Variants in BTD observed in about 807,000 individuals in gnomAD.
BTD encodes biocytinase.
BTD carries 13 observed loss-of-function variants against 17.7 expected under a neutral mutation model. The observed-to-expected ratio is 0.74, with a 90% confidence interval of 0.48 to 1.17. The LOEUF is 1.17. Ranked by LOEUF, BTD falls within the 50% of genes most tolerant of loss-of-function variation. The pLI, the probability that BTD is intolerant of heterozygous loss-of-function variation, is 0.00. For missense variants in BTD, 674 were observed against 650.4 expected, an observed-to-expected ratio of 1.04 and a Z score of -0.39; for synonymous variants, 240 against 245.2, an observed-to-expected ratio of 0.98 and a Z score of 0.20.
downstream of BTD, among the ~76,000 whole-genome samples, chr3:15,716,155 G>GT (rs1459060160): frequency 6.6e-6 from 1 of 151,070 alleles, no homozygotes; most frequent in African/African-American, 2.4e-5. Flanking sequence ...GCTAATTTTT[G>GT]TATTTTAGTA....
At chr3:15,620,818 A>G (rs1023141117) in intron 1 of BTD, among the ~76,000 whole-genome samples, 2 of 152,240 alleles carry the variant, frequency 1.3e-5, no homozygotes, top group Non-Finnish European at 2.9e-5. Flanking sequence ...GACAGTGCCA[A>G]TGGGATATAT....
chr3:15,691,657 G>A (rs1416201952), intron 3 of BTD, among the ~76,000 whole-genome samples: 1 of 152,194 alleles, frequency 6.6e-6, no homozygotes, highest in African/African-American at 2.4e-5. Flanking sequence ...ATGAATCTGT[G>A]TAGAAACTTG....
intron 1 of BTD, among the ~76,000 whole-genome samples, chr3:15,623,350 G>A (rs949411882): frequency 2.0e-5 from 3 of 152,146 alleles, no homozygotes; most frequent in Admixed American, 6.5e-5. Flanking sequence ...TTTATCTACT[G>A]TAATGATCTC....
At chr3:15,713,270 C>T (rs1314310323), downstream of BTD, among the ~76,000 whole-genome samples, 1 of 152,122 alleles carries the variant, frequency 6.6e-6, no homozygotes, top group African/African-American at 2.4e-5. Flanking sequence ...CAAAAATTAA[C>T]AGCTCTGATC....
rs2125507050 is a variant in BTD, at chr3:15,645,429, A to G, written c.1513A>G (p.Arg505Gly). 6.2e-7 allele frequency: 1 copy of G among 1,613,882 alleles called. No individual in the cohort carries two copies. The highest frequency in any genetic ancestry group is 8.5e-7 in the Non-Finnish European group (1 of 1,180,030). ...TGACCACTATTTCCTGAGGAAAAGT[A>G]GGCTGTCCTCTGGGCTGGTGACGGC... ...ENDHYFLRKS[R>G]LSSGLVTAAL... Residue 505 changes from arginine to glycine, a missense_variant, in exon 4 of 4, where the codon AGG becomes GGG. By Grantham distance (125) the Arg-to-Gly change is moderately radical. Transcript: ENST00000643237.
chr3:15,714,532 GAAAAA>G (rs5846873), downstream of BTD: 30 of 1,085,190 alleles, frequency 2.8e-5, no homozygotes, highest in African/African-American at 5.8e-4. Flanking sequence ...CTACATTTAA[GAAAAA>G]AAAAAAAAAA....
downstream of BTD, among the ~76,000 whole-genome samples, chr3:15,657,687 C>G (rs1254398181): frequency 6.6e-6 from 1 of 152,140 alleles, no homozygotes; most frequent in East Asian, 1.9e-4. Context: ...ATGGTCCCAG[C>G]TGCTTTTTTG....
chr3:15,661,265 C>CAAAAAAAAAAAAAAAAAAA (rs56165902), intron 3 of BTD, among the ~76,000 whole-genome samples: 1 of 93,780 alleles, frequency 1.1e-5, no homozygotes, highest in Non-Finnish European at 2.0e-5. Context: ...GACTCTGTCT[C>CAAAAAAAAAAAAAAAAAAA]AAAAAAAAAA....
Position 15,644,844 on chromosome 3 carries a change from A to C in BTD, c.928A>C (p.Ser310Arg), listed in dbSNP as rs768876766. 3 of 1,614,126 alleles carry C rather than the reference A, an allele frequency of 1.9e-6. No individual in the cohort carries two copies. The highest frequency in any genetic ancestry group is 1.3e-5 in the African/African-American group (1 of 74,932). The change falls in exon 4 of 4, where the codon AGT (serine) becomes CGT (arginine). Residue 310 changes from serine (S) to arginine (R), a missense_variant. Physicochemically the swap from Ser to Arg is moderately radical, Grantham distance 110. Coordinates refer to ENST00000643237, the MANE Select transcript of BTD (RefSeq NM_001370658.1). ...GTACCATGACATGGAAAATCCCAAAAGTCACCTTATAATTGCCCAGGTGGC... is the reference window on the plus strand; with the variant it reads ...GTACCATGACATGGAAAATCCCAAACGTCACCTTATAATTGCCCAGGTGGC... ...FWYHDMENPK[S>R]HLIIAQVAKN...
At chr3:15,603,615 C>T (rs559376145) in intron 1 of BTD, among the ~76,000 whole-genome samples, 94 of 152,144 alleles carry the variant, frequency 6.2e-4, no homozygotes, top group Middle Eastern at 3.4e-3. Context: ...TGAGATTGGG[C>T]CACTGCACTC....
intron 3 of BTD, among the ~76,000 whole-genome samples, chr3:15,691,665 T>C (rs971180904): frequency 4.6e-5 from 7 of 152,184 alleles, no homozygotes; most frequent in East Asian, 1.9e-4. Context: ...GTGTAGAAAC[T>C]TGACTACTTA....
intron 1 of BTD, among the ~76,000 whole-genome samples, chr3:15,616,848 T>C (rs1209981738): frequency 2.0e-5 from 3 of 152,054 alleles, no homozygotes; most frequent in Non-Finnish European, 4.4e-5. Flanking sequence ...ATTTATGTAT[T>C]TTTTTTTCGA....
exon 4 of BTD, among the ~76,000 whole-genome samples, chr3:15,711,571 G>C (rs2072279008): frequency 6.6e-6 from 1 of 152,208 alleles, no homozygotes; most frequent in African/African-American, 2.4e-5. Context: ...GAACTGTTCA[G>C]AACAGGCAAA....
intron 1 of BTD, among the ~76,000 whole-genome samples, chr3:15,613,820 T>C (rs950236136): frequency 1.3e-5 from 2 of 152,192 alleles, no homozygotes; most frequent in Non-Finnish European, 2.9e-5. Flanking sequence ...GGTTCACAGT[T>C]ATTTTTTCTT....
At position 15,670,134 on chromosome 3, in the gene BTD, C is replaced by G. The variant is rs180720623; in HGVS notation, c.399+28077C>G. On this transcript the variant is annotated intron_variant, in intron 3 of 3. Coordinates refer to the BTD transcript ENST00000672141. ...CCTTTAAAACTCTTCCTCCTAATGC[C>G]ATCAGATCTCTTAACATTGGCTCAC... 14 of 960,788 alleles carry G rather than the reference C, an allele frequency of 1.5e-5. No homozygotes were observed. In the East Asian group the frequency reaches 3.2e-4, roughly 22 times the overall value. 59.5% of individuals were successfully genotyped at this position (960,788 alleles called of 1,614,324 possible). A position where few individuals can be genotyped will look rare whatever the true frequency, so the allele number is the denominator to read the frequency against.
At chr3:15,701,286 T>C (rs1377103661) in intron 3 of BTD, among the ~76,000 whole-genome samples, 1 of 152,190 alleles carries the variant, frequency 6.6e-6, no homozygotes, top group Non-Finnish European at 1.5e-5. Flanking sequence ...CAAATATTCA[T>C]CCATTTAAGT....
At chr3:15,614,657 G>A (rs149081550) in intron 1 of BTD, among the ~76,000 whole-genome samples, 169 of 149,486 alleles carry the variant, frequency 1.1e-3, no homozygotes, top group African/African-American at 4.0e-3. Context: ...GAGTGTAGTG[G>A]TGTGATCTTA....
At chr3:15,691,203 A>G (rs2068753492) in intron 3 of BTD, among the ~76,000 whole-genome samples, 1 of 151,530 alleles carries the variant, frequency 6.6e-6, no homozygotes. Context: ...GCTCACTGCA[A>G]CCTCCGCCTC....
At chr3:15,622,595 A>G (rs1332214430) in intron 1 of BTD, among the ~76,000 whole-genome samples, 4 of 152,188 alleles carry the variant, frequency 2.6e-5, no homozygotes, top group South Asian at 4.1e-4. Flanking sequence ...GAATTCAACT[A>G]TGTCCTTACT....
Sources: allele counts gnomAD v4.1 joint callset (sites outside exome capture counted in the v4.1 genomes callset), GRCh38; gene constraint gnomAD v4.1.1; transcripts MANE v1.5; gene names NCBI Gene and HGNC (gene_info 2026-07-23, HGNC 2026-07-21).